PRDM2: variants seen among roughly 807,000 people sequenced by gnomAD.
PRDM2 encodes the protein PR domain zinc finger protein 2.
In PRDM2, 30 loss-of-function variants were observed where a neutral mutation model predicts 130.0. The ratio of observed to expected loss-of-function variants is 0.23; its 90% confidence interval spans 0.17 to 0.31. The LOEUF is 0.31. Among genes scored for constraint, PRDM2 ranks in the 10% least tolerant of loss-of-function variants. The pLI, the probability that PRDM2 is intolerant of heterozygous loss-of-function variation, is 1.00. For missense variants in PRDM2, 2,011 were observed against 2,108.4 expected (o/e 0.95, Z 0.90); for synonymous variants, 871 against 782.4 (o/e 1.11, Z -1.89).
chr1:13,787,189 A>G (rs1416411168), intron 8 of PRDM2: 2 of 983,758 alleles, frequency 2.0e-6, no homozygotes, highest in Non-Finnish European at 1.2e-6. Flanking sequence ...TTATCCTCTC[A>G]GATTCTTATC....
chr1:13,760,360 T>C (rs954018053), intron 6 of PRDM2, among the ~76,000 whole-genome samples: 3 of 152,170 alleles, frequency 2.0e-5, no homozygotes, highest in African/African-American at 4.8e-5. Context: ...TAAAAATTTT[T>C]TTTAGTGGGT....
Position 13,778,894 on chromosome 1 carries a change from A to G in PRDM2, c.1099A>G (p.Arg367Gly). 5 of 1,614,254 alleles carry G rather than the reference A, an allele frequency of 3.1e-6. No homozygotes were observed. The highest frequency in any genetic ancestry group is 4.2e-6 in the Non-Finnish European group (5 of 1,180,048). ...TATGTTTCCGTGTCAACATTGTGAA[A>G]GGAAGTTTACAACCAAACAGGGGCT... ...TFMFPCQHCE[R>G]KFTTKQGLER... Residue 367 changes from arginine (R) to glycine (G), a missense_variant, in exon 8 of 10, where the codon AGG (arginine) becomes GGG (glycine). Around this residue, in one of 5 missense-constraint regions of PRDM2, gnomAD observed 1,288 missense variants for 1,237.7 expected, o/e 1.04. Transcript: ENST00000311066.
intron 5 of PRDM2, among the ~76,000 whole-genome samples, chr1:13,747,781 A>AG (rs1338212482): frequency 6.6e-6 from 1 of 151,692 alleles, no homozygotes; most frequent in African/African-American, 2.4e-5. Flanking sequence ...AAAAAAAAAA[A>AG]AAAAAAAAGA....
chr1:13,749,434 AG>A lies in PRDM2; in HGVS notation c.460del (p.Glu154LysfsTer37). 6.6e-7 allele frequency: 1 copy of A among 1,511,850 alleles called. No homozygotes were observed. Among genetic ancestry groups the A allele is most frequent in the Non-Finnish European group, 8.9e-7 (1 of 1,118,110 alleles). 93.7% of individuals were successfully genotyped at this position (1,511,850 alleles called of 1,614,324 possible). ...EDNPEIAAAI[E>X]EERASARSKR... is the part of the protein sequence containing the mutation. Reference sequence around the variant, plus strand: ...AACCCTGAGATAGCAGCTGCGATTGAGGAAGAGCGAGCCAGCGCCCGGAGCA... The same window carrying A: ...AACCCTGAGATAGCAGCTGCGATTGAGAAGAGCGAGCCAGCGCCCGGAGCA... On this transcript the variant is annotated frameshift_variant, in exon 6 of 10. Coordinates refer to ENST00000311066, the MANE Select transcript of PRDM2 (RefSeq NM_001393986.1). LOFTEE classifies it high-confidence loss of function.
Position 13,723,728 on chromosome 1 carries a change from A to T in PRDM2, c.10-7272A>T, listed in dbSNP as rs138458625. ...TTCTCTCCTCTGCTTTCCATCGAGGATTCTCATCCACTTCCATGGACTCCA... is the reference window on the plus strand; with the variant it reads ...TTCTCTCCTCTGCTTTCCATCGAGGTTTCTCATCCACTTCCATGGACTCCA... On this transcript the variant is annotated intron_variant, in intron 2 of 9. Transcript: ENST00000311066. Among the ~76,000 whole-genome samples the T allele has an allele frequency of 4.2e-3, 646 of 152,226 alleles. 8 individuals are homozygous for T. Among genetic ancestry groups the T allele is most frequent in the African/African-American group, 0.015 (614 of 41,532 alleles).
At chr1:13,802,025 T>C (rs1645015594) in intron 8 of PRDM2, among the ~76,000 whole-genome samples, 1 of 152,194 alleles carries the variant, frequency 6.6e-6, no homozygotes, top group Non-Finnish European at 1.5e-5. Flanking sequence ...GTAAGGTAGA[T>C]TGAGCTGTCC....
At chr1:13,721,962 A>G (rs1054492418) in intron 2 of PRDM2, among the ~76,000 whole-genome samples, 4 of 152,202 alleles carry the variant, frequency 2.6e-5, no homozygotes, top group African/African-American at 7.2e-5. Context: ...ATAGTAAATG[A>G]GTTTATAGAT....
intron 6 of PRDM2, among the ~76,000 whole-genome samples, chr1:13,755,339 A>G (rs1643922071): frequency 6.6e-6 from 1 of 152,220 alleles, no homozygotes; most frequent in African/African-American, 2.4e-5. Context: ...TGCCATGATT[A>G]AAAAGTTTTA....
At chr1:13,778,284 G>A in intron 7 of PRDM2, 134 bp from the exon 8 acceptor site, 1 of 919,518 alleles carries the variant, frequency 1.1e-6, no homozygotes, top group Non-Finnish European at 1.6e-6. Flanking sequence ...TAAAGTAGAA[G>A]TAATTTATTG....
intron 8 of PRDM2, among the ~76,000 whole-genome samples, chr1:13,783,636 C>G (rs1485512485): frequency 6.6e-6 from 1 of 152,184 alleles, no homozygotes; most frequent in Non-Finnish European, 1.5e-5. Context: ...AAGAACTGTT[C>G]TCAGTGACAG....
At chr1:13,773,034 T>TAAA in intron 6 of PRDM2, 44 bp from the exon 7 acceptor site, 2 of 1,048,718 alleles carry the variant, frequency 1.9e-6, no homozygotes, top group South Asian at 1.8e-5. Context: ...AATGAATAAA[T>TAAA]AAAAAAAAAA....
chr1:13,742,016 A>T lies in PRDM2; in HGVS notation c.243A>T (p.Pro81=). The part of the protein sequence containing the change: ...NNVYMWEVYY[P]NLGWMCIDAT... ...TCTCCATTTTCAAGGTGTATTACCC[A>T]AATTTGGGATGGATGTGCATTGATG... Residue 81 remains proline (P), a synonymous_variant, in exon 5 of 10, where the codon CCA becomes CCT. Transcript: ENST00000311066. 1.3e-6 allele frequency: 2 copies of T among 1,570,226 alleles called. No homozygotes were observed. Among genetic ancestry groups the T allele is most frequent in the Non-Finnish European group, 1.8e-6 (2 of 1,140,806 alleles).
At chr1:13,737,739 G>A (rs1387296071) in intron 4 of PRDM2, among the ~76,000 whole-genome samples, 1 of 151,954 alleles carries the variant, frequency 6.6e-6, no homozygotes, top group Non-Finnish European at 1.5e-5. Context: ...TTTTGAACAG[G>A]TTTACTTGTA....
Position 13,779,375 on chromosome 1 carries a change from C to T in PRDM2, c.1580C>T (p.Pro527Leu). The change falls in exon 8 of 10, where the codon CCA becomes CTA. Residue 527 changes from proline (P) to leucine (L), a missense_variant. Coordinates refer to ENST00000311066, the MANE Select transcript of PRDM2 (RefSeq NM_001393986.1). This position sits in a 1 kb window ranked among gnomAD's most constrained non-coding sequence, Gnocchi z 4.9. The part of the protein sequence containing the change: ...RKGGLEEPQP[P>L]AEQAQATQNV... ...GGAGGCCTTGAAGAGCCCCAGCCTC[C>T]AGCAGAACAGGCCCAGGCCACCCAG... is the stretch of plus-strand genomic sequence containing the variant. 1 of 1,614,186 alleles carries T rather than the reference C, an allele frequency of 6.2e-7. No homozygotes were observed. Among genetic ancestry groups the T allele is most frequent in the South Asian group, 1.1e-5 (1 of 91,072 alleles).
chr1:13,781,142 C>A lies in PRDM2; in HGVS notation c.3347C>A (p.Pro1116His), dbSNP rs146659195. Residue 1116 changes from proline to histidine, a missense_variant, in exon 8 of 10, where the codon CCC becomes CAC. Pro to His is a moderately conservative substitution (Grantham distance 77). This residue lies in a region of PRDM2 where 229 missense variants were observed against 364.1 expected (regional missense o/e 0.63). Coordinates refer to ENST00000311066, the MANE Select transcript of PRDM2 (RefSeq NM_001393986.1). The surrounding 1 kb of genome is among the most constrained non-coding windows in gnomAD (Gnocchi z 6.1). Reference sequence around the variant, plus strand: ...GAAGGTCTGAAACCCAGGGAAGAGCCCCAGTCTGCTGCTGAACAGGATGTT... The same window carrying A: ...GAAGGTCTGAAACCCAGGGAAGAGCACCAGTCTGCTGCTGAACAGGATGTT... ...ENEGLKPREE[P>H]QSAAEQDVVV... The A allele has an allele frequency of 4.3e-5, 70 of 1,614,008 alleles. No individual in the cohort carries two copies. The highest frequency in any genetic ancestry group is 8.0e-5 in the African/African-American group (6 of 74,894).
At chr1:13,744,144 A>G (rs1487813652) in intron 5 of PRDM2, among the ~76,000 whole-genome samples, 1 of 152,236 alleles carries the variant, frequency 6.6e-6, no homozygotes, top group Non-Finnish European at 1.5e-5. Flanking sequence ...TTGTACTTCA[A>G]GTTAAAATGT....
Position 13,780,719 on chromosome 1 carries a change from C to A in PRDM2, c.2924C>A (p.Pro975His). 1 of 1,598,452 alleles carries A rather than the reference C, an allele frequency of 6.3e-7. No individual in the cohort carries two copies. Among genetic ancestry groups the A allele is most frequent in the Admixed American group, 1.7e-5 (1 of 58,946 alleles). Reference sequence around the variant, plus strand: ...CCCACAGATCCCTCTTCCCCTCCACCCTGTCCCCCGGTATTAACTGTTGCC... The same window carrying A: ...CCCACAGATCCCTCTTCCCCTCCACACTGTCCCCCGGTATTAACTGTTGCC... ...LIPTDPSSPP[P>H]CPPVLTVATP... Residue 975 changes from proline (P) to histidine (H), a missense_variant, in exon 8 of 10, where the codon CCC becomes CAC. This residue lies in a region of PRDM2 where 1,288 missense variants were observed against 1,237.7 expected (regional missense o/e 1.04). Transcript: ENST00000311066.
intron 6 of PRDM2, 112 bp from the exon 7 acceptor site, chr1:13,772,966 C>G: frequency 1.5e-6 from 1 of 653,946 alleles, no homozygotes; most frequent in Non-Finnish European, 2.5e-6. Flanking sequence ...ATACAGTGTT[C>G]TTGATTGGAT....
At chr1:13,708,314 T>C (rs1248845724) in intron 1 of PRDM2, among the ~76,000 whole-genome samples, 1 of 152,180 alleles carries the variant, frequency 6.6e-6, no homozygotes, top group African/African-American at 2.4e-5. Flanking sequence ...CATTTTGATA[T>C]GGTGTTATTT....
Sources: allele counts gnomAD v4.1 joint callset (sites outside exome capture counted in the v4.1 genomes callset), GRCh38; gene constraint gnomAD v4.1.1; regional missense constraint gnomAD v4.1.1; non-coding constraint Gnocchi (gnomAD v3.1); transcripts MANE v1.5; gene names NCBI Gene and HGNC (gene_info 2026-07-23, HGNC 2026-07-21).